The following IQUB variants were observed in gnomAD, a reference collection of about 807,000 sequenced individuals.
The protein encoded by IQUB is IQ motif and ubiquitin domain containing.
IQUB carries 86 observed loss-of-function variants against 86.4 expected under a neutral mutation model. The ratio of observed to expected loss-of-function variants is 1.00; its 90% CI spans 0.84 to 1.19. IQUB has a LOEUF of 1.19. IQUB is among the 50% of genes most tolerant of loss of function. IQUB has a pLI of 0.00. For synonymous variants in IQUB, 289 were observed against 304.5 expected (o/e 0.95, Z 0.53); for missense variants, 946 against 916.9 (o/e 1.03, Z -0.41).
intron 10 of IQUB, among the ~76,000 whole-genome samples, chr7:123,463,964 T>C (rs1794125737): frequency 6.6e-6 from 1 of 151,718 alleles, no homozygotes; most frequent in Non-Finnish European, 1.5e-5. Context: ...ATTTTAATAT[T>C]CTTTTTGCAA....
At chr7:123,487,795 C>A (rs1160605509) in intron 7 of IQUB, among the ~76,000 whole-genome samples, 2 of 152,152 alleles carry the variant, frequency 1.3e-5, no homozygotes, top group Non-Finnish European at 2.9e-5. Flanking sequence ...TGTATACACA[C>A]TTCCATATGT....
intron 8 of IQUB, among the ~76,000 whole-genome samples, chr7:123,479,097 C>T (rs1247083533): frequency 6.6e-6 from 1 of 151,902 alleles, no homozygotes; most frequent in African/African-American, 2.4e-5. Context: ...TAATAAGAAC[C>T]ATAGAAATAG....
At chr7:123,486,267 G>A (rs1459562733) in intron 7 of IQUB, among the ~76,000 whole-genome samples, 1 of 152,120 alleles carries the variant, frequency 6.6e-6, no homozygotes, top group Non-Finnish European at 1.5e-5. Flanking sequence ...TGATAATAAT[G>A]CTTTCCAACA....
At chr7:123,508,709 T>A (rs559199383) in intron 3 of IQUB, among the ~76,000 whole-genome samples, 63 of 152,352 alleles carry the variant, frequency 4.1e-4, no homozygotes, top group African/African-American at 1.4e-3. Flanking sequence ...ATAGTTAATG[T>A]GCAGCAGTTT....
Position 123,503,861 on chromosome 7 carries a change from G to C in IQUB, c.533-498C>G, listed in dbSNP as rs1422386375. On this transcript the variant is annotated intron_variant, in intron 3 of 12. Coordinates refer to ENST00000324698, the MANE Select transcript of IQUB (RefSeq NM_178827.5). ...TAGGAAGAGTTTTAGTGGCATTCTT[G>C]AGAAGGAATTCGGCATTATAAATAA... Among the ~76,000 whole-genome samples the C allele has an allele frequency of 5.9e-5, 9 of 152,066 alleles. No homozygotes were observed. The South Asian group carries it at 1.7e-3, about 28-fold the overall frequency.
At chr7:123,483,988 G>A (rs1001793348) in intron 7 of IQUB, among the ~76,000 whole-genome samples, 8 of 152,050 alleles carry the variant, frequency 5.3e-5, no homozygotes, top group Non-Finnish European at 8.8e-5. Context: ...GAGGCCACAA[G>A]TATTGTATCT....
chr7:123,505,915 C>T (rs944854071), intron 3 of IQUB, among the ~76,000 whole-genome samples: 17 of 152,158 alleles, frequency 1.1e-4, no homozygotes, highest in African/African-American at 1.7e-4. Context: ...TTTAAATATA[C>T]GTTCCAGTTT....
chr7:123,466,291 T>G (rs748971751), intron 9 of IQUB, among the ~76,000 whole-genome samples: 105 of 152,282 alleles, frequency 6.9e-4, no homozygotes, highest in Middle Eastern at 3.4e-3. Flanking sequence ...ACTAAACATA[T>G]TAAGATATGC....
At chr7:123,497,055 A>C (rs969718439) in intron 6 of IQUB, 149 bp from the exon 7 acceptor site, 9 of 585,526 alleles carry the variant, frequency 1.5e-5, no homozygotes, top group Non-Finnish European at 2.4e-5. Flanking sequence ...ACAAACACTA[A>C]CATAAAAAAC....
At chr7:123,454,034 C>A (rs1690702516) in intron 12 of IQUB, among the ~76,000 whole-genome samples, 1 of 151,914 alleles carries the variant, frequency 6.6e-6, no homozygotes, top group African/African-American at 2.4e-5. Flanking sequence ...AGGGTCAAAT[C>A]AAAGATAAAA....
chr7:123,515,525 A>C (rs1425597695), intron 1 of IQUB, among the ~76,000 whole-genome samples: 1 of 152,170 alleles, frequency 6.6e-6, no homozygotes, highest in African/African-American at 2.4e-5. Context: ...GAGGCAAGTG[A>C]AGTGCCTAAC....
chr7:123,490,966 G>GAAA (rs201599464), intron 7 of IQUB, among the ~76,000 whole-genome samples: 2 of 132,528 alleles, frequency 1.5e-5, no homozygotes, highest in African/African-American at 2.8e-5. Context: ...CACCATCTTG[G>GAAA]AAAAAAAAAA....
intron 7 of IQUB, among the ~76,000 whole-genome samples, chr7:123,496,175 T>G (rs1157435664): frequency 6.6e-6 from 1 of 152,116 alleles, no homozygotes; most frequent in Non-Finnish European, 1.5e-5. Context: ...AAACTTTTAA[T>G]TTATCCATGA....
chr7:123,493,639 C>A (rs563839024), intron 7 of IQUB, among the ~76,000 whole-genome samples: 1 of 151,618 alleles, frequency 6.6e-6, no homozygotes, highest in East Asian at 2.0e-4. Flanking sequence ...TCTAAAAAAC[C>A]ATCTGGCAGG....
At chr7:123,455,582 T>C (rs761245225) in intron 12 of IQUB, among the ~76,000 whole-genome samples, 4 of 152,150 alleles carry the variant, frequency 2.6e-5, no homozygotes, top group Non-Finnish European at 5.9e-5. Context: ...TTCCCTATGA[T>C]GAGATACCAT....
At chr7:123,533,979 A>C (rs1332658527) in intron 1 of IQUB, among the ~76,000 whole-genome samples, 1 of 152,232 alleles carries the variant, frequency 6.6e-6, no homozygotes, top group Non-Finnish European at 1.5e-5. Context: ...TTTAGAATGT[A>C]GTATAATTAG....
intron 8 of IQUB, among the ~76,000 whole-genome samples, chr7:123,470,761 G>C (rs1794483244): frequency 6.6e-6 from 1 of 151,836 alleles, no homozygotes. Flanking sequence ...TGAGGCAGGA[G>C]AATGGCATGA....
chr7:123,488,001 G>T (rs993702265), intron 7 of IQUB, among the ~76,000 whole-genome samples: 1 of 151,906 alleles, frequency 6.6e-6, no homozygotes, highest in Non-Finnish European at 1.5e-5. Flanking sequence ...TTTATTAATA[G>T]TCTGAAAAAA....
intron 7 of IQUB, among the ~76,000 whole-genome samples, chr7:123,486,514 A>C (rs74944971): frequency 0.017 from 2,635 of 152,264 alleles, 81 homozygotes; most frequent in African/African-American, 0.06. Flanking sequence ...CCTTGCTACC[A>C]AGTAGCTGGT....
Sources: allele counts gnomAD v4.1 joint callset (sites outside exome capture counted in the v4.1 genomes callset), GRCh38; gene constraint gnomAD v4.1.1; transcripts MANE v1.5; gene names NCBI Gene and HGNC (gene_info 2026-07-23, HGNC 2026-07-21).